The following TMEM217B variants were observed in gnomAD, a reference collection of about 807,000 sequenced individuals.
The protein encoded by TMEM217B is transmembrane protein 217B.
At chr6:37,237,216 C>A in the TMEM217B span, among the ~76,000 whole-genome samples, 4 of 152,200 alleles carry the variant, frequency 2.6e-5, no homozygotes, top group Admixed American at 1.3e-4. Context: ...TTCTGAGTAT[C>A]TGAGTGTTCA....
the TMEM217B span, among the ~76,000 whole-genome samples, chr6:37,226,393 C>T: frequency 6.9e-6 from 1 of 145,962 alleles, no homozygotes; most frequent in Non-Finnish European, 1.5e-5. Flanking sequence ...CCCGGGTTCA[C>T]GCCATTCTCC....
the TMEM217B span, among the ~76,000 whole-genome samples, chr6:37,216,231 A>C: frequency 6.6e-6 from 1 of 152,136 alleles, no homozygotes; most frequent in Non-Finnish European, 1.5e-5. Context: ...GGTGCCTGCC[A>C]CTATACCCGC....
At chr6:37,215,398 A>C in the TMEM217B span, 9 of 1,251,964 alleles carry the variant, frequency 7.2e-6, no homozygotes, top group Admixed American at 2.6e-5. Context: ...AACATGGTGA[A>C]ACCCCATCTC....
At chr6:37,258,026 C>T in the TMEM217B span, 1 of 1,590,376 alleles carries the variant, frequency 6.3e-7, no homozygotes, top group Non-Finnish European at 8.6e-7. Flanking sequence ...CCTTCCAGAT[C>T]CTAATCCCTG....
chr6:37,235,374 A>T, the TMEM217B span, among the ~76,000 whole-genome samples: 8 of 151,118 alleles, frequency 5.3e-5, no homozygotes, highest in African/African-American at 1.7e-4. Flanking sequence ...TTTTATTATT[A>T]TTTTTTTTTG....
At chr6:37,231,258 C>T in the TMEM217B span, among the ~76,000 whole-genome samples, 8 of 115,338 alleles carry the variant, frequency 6.9e-5, no homozygotes, top group African/African-American at 2.3e-4. Flanking sequence ...TTTGTAGAAA[C>T]GGGCTTTCAC....
the TMEM217B span, among the ~76,000 whole-genome samples, chr6:37,214,635 C>G: frequency 6.6e-6 from 1 of 152,194 alleles, no homozygotes; most frequent in Non-Finnish European, 1.5e-5. Context: ...TTCTTGCTGT[C>G]TCTATGAATT....
At chr6:37,255,081 G>T in the TMEM217B span, among the ~76,000 whole-genome samples, 1 of 152,128 alleles carries the variant, frequency 6.6e-6, no homozygotes, top group Non-Finnish European at 1.5e-5. Context: ...CCTGCTGTGC[G>T]GCCTGGTTCC....
At chr6:37,245,994 G>A in the TMEM217B span, among the ~76,000 whole-genome samples, 1 of 151,924 alleles carries the variant, frequency 6.6e-6, no homozygotes, top group Admixed American at 6.6e-5. Flanking sequence ...TAGAGAAGGG[G>A]TTTCTCCATG....
the TMEM217B span, chr6:37,218,169 C>CTTTTTTT: frequency 9.9e-7 from 1 of 1,014,160 alleles, no homozygotes; most frequent in Non-Finnish European, 1.2e-6. Flanking sequence ...AAGCTGCTAA[C>CTTTTTTT]TTTTTTTTTT....
chr6:37,252,912 T>C, the TMEM217B span, among the ~76,000 whole-genome samples: 1 of 151,754 alleles, frequency 6.6e-6, no homozygotes, highest in South Asian at 2.1e-4. Flanking sequence ...AGTGCTGGGA[T>C]TGCAGGTGTG....
At chr6:37,213,719 C>A in the TMEM217B span, among the ~76,000 whole-genome samples, 1 of 152,224 alleles carries the variant, frequency 6.6e-6, no homozygotes, top group African/African-American at 2.4e-5. Context: ...CCGAGCCGAC[C>A]CTGCTGAGGG....
At chr6:37,221,726 C>T in the TMEM217B span, among the ~76,000 whole-genome samples, 1 of 152,150 alleles carries the variant, frequency 6.6e-6, no homozygotes, top group Admixed American at 6.5e-5. Context: ...GCACCTTTGC[C>T]TGAGTTCTTG....
chr6:37,219,153 C>G, the TMEM217B span: 6 of 943,636 alleles, frequency 6.4e-6, no homozygotes, highest in Non-Finnish European at 9.5e-6. Context: ...GACAGAAATA[C>G]GAAAACTGGG....
At chr6:37,250,984 C>T in the TMEM217B span, among the ~76,000 whole-genome samples, 1 of 152,146 alleles carries the variant, frequency 6.6e-6, no homozygotes, top group African/African-American at 2.4e-5. Flanking sequence ...AGGTAGATTA[C>T]TGCCCTTTTA....
chr6:37,224,594 C>G, the TMEM217B span, among the ~76,000 whole-genome samples: 23 of 141,400 alleles, frequency 1.6e-4, no homozygotes, highest in African/African-American at 5.7e-4. Flanking sequence ...CGAGACTCCT[C>G]TCAAAAACAA....
chr6:37,212,819 A>C, the TMEM217B span: 2 of 902,566 alleles, frequency 2.2e-6, no homozygotes, highest in African/African-American at 3.3e-5. Context: ...AACAGGGTCC[A>C]AGTGACTAGC....
chr6:37,229,794 A>G, the TMEM217B span, among the ~76,000 whole-genome samples: 1 of 152,166 alleles, frequency 6.6e-6, no homozygotes, highest in Non-Finnish European at 1.5e-5. Context: ...TTGCTGCCAT[A>G]ACAAATTACC....
the TMEM217B span, among the ~76,000 whole-genome samples, chr6:37,214,531 T>A: frequency 6.6e-6 from 1 of 152,060 alleles, no homozygotes; most frequent in Non-Finnish European, 1.5e-5. Flanking sequence ...CTGGCCATCT[T>A]CAGAACTTTT....
Sources: gnomAD v4.1 joint callset for allele counts (sites outside exome capture counted in the v4.1 genomes callset) on GRCh38, gnomAD v4.1.1 for gene constraint, MANE v1.5 for transcripts, NCBI Gene and HGNC (gene_info 2026-07-23, HGNC 2026-07-21) for gene names.